The following COG5 variants were observed in gnomAD, a reference collection of about 807,000 sequenced individuals.
The protein encoded by COG5 is conserved oligomeric Golgi complex subunit 5.
Under a neutral mutation model 110.4 loss-of-function variants are expected in COG5, and 86 were observed. The observed-to-expected ratio is 0.78, with a 90% CI of 0.65 to 0.93. The LOEUF is 0.93. COG5 is among the 40% of genes least tolerant of loss of function. The pLI, the probability that COG5 is intolerant of heterozygous loss-of-function variation, is 0.00. For missense variants in COG5, 1,077 were observed against 987.0 expected, an observed-to-expected ratio of 1.09 and a Z score of -1.22; for synonymous variants, 360 against 334.6, an observed-to-expected ratio of 1.08 and a Z score of -0.83.
At chr7:107,413,331 T>C (rs1792450653) in intron 6 of COG5, among the ~76,000 whole-genome samples, 10 of 151,992 alleles carry the variant, frequency 6.6e-5, no homozygotes, top group Admixed American at 6.6e-4. Flanking sequence ...TCATATTATA[T>C]AACCACCACC....
At chr7:107,524,149 G>A (rs138286266) in intron 6 of COG5, among the ~76,000 whole-genome samples, 43 of 152,222 alleles carry the variant, frequency 2.8e-4, no homozygotes, top group African/African-American at 8.9e-4. Context: ...TCAAATTTAC[G>A]TAACATAAAA....
At chr7:107,268,252 G>A (rs1176433495) in intron 14 of COG5, among the ~76,000 whole-genome samples, 2 of 152,170 alleles carry the variant, frequency 1.3e-5, no homozygotes, top group Non-Finnish European at 2.9e-5. Context: ...ACAGGCGTGA[G>A]CCACTGCACC....
intron 10 of COG5, among the ~76,000 whole-genome samples, chr7:107,353,126 T>C (rs115939942): frequency 0.016 from 2,393 of 152,182 alleles, 68 homozygotes; most frequent in African/African-American, 0.052. Context: ...ATATAAACCA[T>C]AGAAAACAGA....
chr7:107,365,596 CAA>C (rs71134263), intron 8 of COG5, among the ~76,000 whole-genome samples: 1,809 of 36,760 alleles, frequency 0.049, 52 homozygotes, highest in African/African-American at 0.16. Context: ...TGCAAAATGA[CAA>C]AAAAAAAAAA....
At chr7:107,560,878 CAGGT>C (rs1002701693) in intron 1 of COG5, among the ~76,000 whole-genome samples, 2 of 151,896 alleles carry the variant, frequency 1.3e-5, no homozygotes, top group African/African-American at 4.8e-5. Flanking sequence ...ATTCAGAAGA[CAGGT>C]AAGGAGCATA....
chr7:107,279,419 T>C (rs977311718), intron 14 of COG5, among the ~76,000 whole-genome samples: 2 of 152,176 alleles, frequency 1.3e-5, no homozygotes, highest in Non-Finnish European at 2.9e-5. Flanking sequence ...GGCAGAGTAG[T>C]TATCCAATTC....
chr7:107,435,657 A>G (rs560857952), intron 6 of COG5, among the ~76,000 whole-genome samples: 2 of 152,302 alleles, frequency 1.3e-5, no homozygotes, highest in African/African-American at 4.8e-5. Context: ...CCAGAAAAAA[A>G]AAGAAAAAAG....
intron 3 of COG5, among the ~76,000 whole-genome samples, chr7:107,548,637 C>T (rs1802647492): frequency 6.6e-6 from 1 of 152,180 alleles, no homozygotes; most frequent in Non-Finnish European, 1.5e-5. Context: ...TTGCACAACA[C>T]TGTAAATGTA....
intron 8 of COG5, among the ~76,000 whole-genome samples, chr7:107,363,510 T>A (rs931386407): frequency 6.6e-6 from 1 of 151,996 alleles, no homozygotes; most frequent in African/African-American, 2.4e-5. Context: ...GAAACTCAAA[T>A]GTTTAAAAAG....
In COG5 at chr7:107,541,005, G is replaced by T. The variant is rs1026569957; in HGVS notation, c.417+7106C>A. 9.2e-5 allele frequency among the ~76,000 whole-genome samples: 14 copies of T among 152,082 alleles called. No homozygotes were observed. The East Asian group carries it at 1.7e-3, about 19-fold the overall frequency. ...ATCTCTACTCAAAATACAAAAATTAGCCAGGTGTTGTGGCACATGCCTGTA... is the reference window on the plus strand; with the variant it reads ...ATCTCTACTCAAAATACAAAAATTATCCAGGTGTTGTGGCACATGCCTGTA... On this transcript the variant is annotated intron_variant, in intron 5 of 21. Transcript: ENST00000297135.
At chr7:107,442,643 TAAAA>T (rs35184301) in intron 6 of COG5, among the ~76,000 whole-genome samples, 2 of 129,562 alleles carry the variant, frequency 1.5e-5, no homozygotes, top group Admixed American at 7.8e-5. Context: ...CAATTTCACC[TAAAA>T]AAAAAAAAAA....
chr7:107,473,968 C>A, intron 6 of COG5: 5 of 573,486 alleles, frequency 8.7e-6, no homozygotes, highest in South Asian at 3.5e-5. Context: ...TTTTTTCTTA[C>A]AAAGAACACG....
intron 12 of COG5, among the ~76,000 whole-genome samples, chr7:107,293,809 A>C (rs935462656): frequency 6.6e-6 from 1 of 152,188 alleles, no homozygotes; most frequent in Admixed American, 6.5e-5. Flanking sequence ...GCGGTGACTC[A>C]GGCCTGTAAT....
At chr7:107,527,207 C>G in intron 6 of COG5, 30 bp downstream of exon 6, 2 of 1,496,844 alleles carry the variant, frequency 1.3e-6, no homozygotes, top group South Asian at 2.5e-5. Context: ...TCTCTACTAA[C>G]TTTTTATTTA....
intron 10 of COG5, among the ~76,000 whole-genome samples, chr7:107,331,449 C>T (rs1810235807): frequency 6.6e-6 from 1 of 151,792 alleles, no homozygotes; most frequent in Non-Finnish European, 1.5e-5. Flanking sequence ...GACTGGGCGA[C>T]AGAGCAAGAC....
chr7:107,206,652 T>G (rs1798810357), intron 21 of COG5, among the ~76,000 whole-genome samples: 1 of 152,244 alleles, frequency 6.6e-6, no homozygotes, highest in African/African-American at 2.4e-5. Flanking sequence ...GTGAATGGAT[T>G]AGATATATTT....
At chr7:107,547,227 A>G (rs1471094543) in intron 5 of COG5, among the ~76,000 whole-genome samples, 1 of 152,218 alleles carries the variant, frequency 6.6e-6, no homozygotes, top group East Asian at 1.9e-4. Context: ...AACATGTGCA[A>G]ATCAATAAAT....
chr7:107,265,958 G>C (rs1584594905), intron 14 of COG5, among the ~76,000 whole-genome samples: 6 of 152,050 alleles, frequency 3.9e-5, no homozygotes. Flanking sequence ...AGGAGGCTGA[G>C]GCAGGATTTT....
At chr7:107,368,406 T>C (rs1813819430) in intron 8 of COG5, among the ~76,000 whole-genome samples, 1 of 152,074 alleles carries the variant, frequency 6.6e-6, no homozygotes, top group Non-Finnish European at 1.5e-5. Context: ...CACAGGAAGT[T>C]ATCAATATAA....
Sources: gnomAD v4.1 joint callset for allele counts (sites outside exome capture counted in the v4.1 genomes callset) on GRCh38, gnomAD v4.1.1 for gene constraint, MANE v1.5 for transcripts, NCBI Gene and HGNC (gene_info 2026-07-23, HGNC 2026-07-21) for gene names.